The following RBM26 variants were observed in gnomAD, a reference collection of about 807,000 sequenced individuals.
The protein encoded by RBM26 is RNA-binding protein 26.
A neutral mutation model predicts 123.6 loss-of-function variants in RBM26; 30 were observed. That is an observed-to-expected ratio of 0.24 (90% CI 0.18 to 0.33). The LOEUF is 0.33. RBM26 is among the 10% of genes least tolerant of loss of function. RBM26 has a pLI of 1.00. For synonymous variants in RBM26, 400 were observed against 404.4 expected (o/e 0.99, Z 0.13); for missense variants, 947 against 1,203.6 (o/e 0.79, Z 3.15).
intron 1 of RBM26, among the ~76,000 whole-genome samples, chr13:79,398,122 G>T (rs772275127): frequency 3.9e-5 from 6 of 152,170 alleles, no homozygotes; most frequent in Admixed American, 1.3e-4. Flanking sequence ...TAGTAGGAGA[G>T]TAATGAGTAA....
intron 3 of RBM26, chr13:79,376,974 A>G (rs1272781770): frequency 6.2e-6 from 1 of 160,518 alleles, no homozygotes; most frequent in Non-Finnish European, 1.4e-5. Context: ...GAATTTTGGT[A>G]CATACTAGGT....
At chr13:79,364,462 A>G (rs1018287684) in intron 9 of RBM26, among the ~76,000 whole-genome samples, 2 of 152,240 alleles carry the variant, frequency 1.3e-5, no homozygotes, top group African/African-American at 2.4e-5. Flanking sequence ...TAGGTAAGAC[A>G]AGAAAAGACT....
rs2070546954 is a variant in RBM26 at position 79,337,096 on chromosome 13, A to C, written c.2733+6T>G. 3 of 1,612,378 alleles carry C rather than the reference A, an allele frequency of 1.9e-6. No individual in the cohort carries two copies. The highest frequency in any genetic ancestry group is 2.5e-6 in the Non-Finnish European group (3 of 1,178,720). On this transcript the variant is annotated splice_donor_region_variant and intron_variant, in intron 19 of 21. Transcript: ENST00000438737. Reference sequence around the variant, plus strand: ...GCATTTGTTTTGTTGAGCAGTAAGAAAGTACCGCAAAATGAGGAAGAAGAT... The same window carrying C: ...GCATTTGTTTTGTTGAGCAGTAAGACAGTACCGCAAAATGAGGAAGAAGAT...
chr13:79,392,011 ATT>A (rs371349844), intron 1 of RBM26, among the ~76,000 whole-genome samples: 5 of 19,374 alleles, frequency 2.6e-4, no homozygotes, highest in African/African-American at 1.3e-3. Context: ...ATAATTATAT[ATT>A]ATACATTATT....
At chr13:79,375,575 C>T (rs1341207816) in intron 3 of RBM26, among the ~76,000 whole-genome samples, 1 of 152,032 alleles carries the variant, frequency 6.6e-6, no homozygotes, top group African/African-American at 2.4e-5. Context: ...TAAGCAATTG[C>T]CAACACAATA....
chr13:79,378,568 T>C (rs185016000), intron 2 of RBM26, among the ~76,000 whole-genome samples: 26 of 152,164 alleles, frequency 1.7e-4, no homozygotes, highest in African/African-American at 6.3e-4. Flanking sequence ...GCCTCCCGAG[T>C]AGCCGGGATT....
chr13:79,380,997 TA>T (rs769064024), intron 1 of RBM26, among the ~76,000 whole-genome samples: 78 of 152,222 alleles, frequency 5.1e-4, no homozygotes, highest in Non-Finnish European at 8.4e-4. Flanking sequence ...CTAAAATTAT[TA>T]AGATTTTACA....
intron 19 of RBM26, among the ~76,000 whole-genome samples, chr13:79,335,537 T>C (rs1249291398): frequency 6.6e-6 from 1 of 152,160 alleles, no homozygotes; most frequent in Non-Finnish European, 1.5e-5. Context: ...TATTAAATAA[T>C]GTAAATTTTT....
intron 9 of RBM26, among the ~76,000 whole-genome samples, chr13:79,360,639 T>C (rs759266461): frequency 1.6e-4 from 25 of 152,220 alleles, no homozygotes; most frequent in Non-Finnish European, 3.2e-4. Flanking sequence ...AGAGTTATGA[T>C]TGAAGTGAGC....
At position 79,365,855 on chromosome 13, in the gene RBM26, CTTTA is replaced by C. The variant is rs2075210894; in HGVS notation, c.1277-141_1277-138del. The C allele has an allele frequency of 5.2e-6, 5 of 958,202 alleles. No homozygotes were observed. In the Admixed American group the frequency reaches 1.2e-4, roughly 23 times the overall value. 59.4% of individuals were successfully genotyped at this position (958,202 alleles called of 1,614,324 possible). ...TCTATATGTATCAAAAAGAAAATAACTTTATTTAAAAAAGTTATTAAAAAGAAAA... is the reference window on the plus strand; with the variant it reads ...TCTATATGTATCAAAAAGAAAATAACTTTAAAAAAGTTATTAAAAAGAAAA... On this transcript the variant is annotated intron_variant, in intron 8 of 21. Transcript: ENST00000438737.
downstream of RBM26, chr13:79,315,095 A>T: frequency 3.5e-6 from 2 of 567,280 alleles, no homozygotes; most frequent in Non-Finnish European, 2.9e-6. Flanking sequence ...TAAACATTAA[A>T]AAAGTCTATT....
At chr13:79,398,987 C>A (rs2078834099) in intron 1 of RBM26, among the ~76,000 whole-genome samples, 1 of 152,200 alleles carries the variant, frequency 6.6e-6, no homozygotes, top group Non-Finnish European at 1.5e-5. Context: ...ATAGTTAAAT[C>A]TTAAGAGCTG....
At chr13:79,369,352 T>C (rs1278081542) in intron 5 of RBM26, among the ~76,000 whole-genome samples, 3 of 148,668 alleles carry the variant, frequency 2.0e-5, no homozygotes, top group Non-Finnish European at 4.4e-5. Flanking sequence ...GATGAACATT[T>C]TGTAGTCATC....
Position 79,342,767 on chromosome 13 carries a change from T to G in RBM26, c.2324A>C (p.Lys775Thr). The G allele has an allele frequency of 6.2e-7, 1 of 1,610,196 alleles. No individual in the cohort carries two copies. The highest frequency in any genetic ancestry group is 2.2e-5 in the East Asian group (1 of 44,758). ...MKSEDKAEIMKTLEVLTKNIT... is the reference protein window; with the variant it reads ...MKSEDKAEIMTTLEVLTKNIT... ...ATTTTTTGTCAAAACCTCTAAAGTT[T>G]TCATTATTTCTGCTTTATCTTCAGA... Residue 775 changes from lysine to threonine, a missense_variant, in exon 17 of 22, where the codon AAA (lysine) becomes ACA (threonine). Coordinates refer to ENST00000438737, the MANE Select transcript of RBM26 (RefSeq NM_001366735.2).
At chr13:79,315,703 A>C (rs2067082523), downstream of RBM26, among the ~76,000 whole-genome samples, 1 of 151,876 alleles carries the variant, frequency 6.6e-6, no homozygotes, top group East Asian at 1.9e-4. Context: ...ACAAGCACAT[A>C]ATATGGATAA....
chr13:79,335,652 A>C (rs1000183001), intron 19 of RBM26, among the ~76,000 whole-genome samples: 1 of 152,154 alleles, frequency 6.6e-6, no homozygotes, highest in African/African-American at 2.4e-5. Context: ...TTAAATGTGA[A>C]CTTTGGAGTG....
chr13:79,323,674 A>G (rs1028485404), intron 20 of RBM26, among the ~76,000 whole-genome samples: 2 of 151,784 alleles, frequency 1.3e-5, no homozygotes, highest in Non-Finnish European at 3.0e-5. Flanking sequence ...ATTTTCAAAA[A>G]TAAGTTACTG....
At chr13:79,320,963 C>A (rs946433223) in intron 21 of RBM26, among the ~76,000 whole-genome samples, 1 of 150,968 alleles carries the variant, frequency 6.6e-6, no homozygotes, top group African/African-American at 2.4e-5. Context: ...CCATTTTTTC[C>A]TGCCTCTCTT....
intron 6 of RBM26, 38 bp from the exon 7 acceptor site, chr13:79,366,910 C>G: frequency 1.4e-6 from 2 of 1,478,014 alleles, no homozygotes; most frequent in Non-Finnish European, 1.8e-6. Flanking sequence ...ATGTCAAAAG[C>G]ACTGGAAATA....
Sources: allele counts gnomAD v4.1 joint callset (sites outside exome capture counted in the v4.1 genomes callset), GRCh38; gene constraint gnomAD v4.1.1; transcripts MANE v1.5; gene names NCBI Gene and HGNC (gene_info 2026-07-23, HGNC 2026-07-21).